The following A4GALT variants were observed in gnomAD, a reference collection of about 807,000 sequenced individuals.
A4GALT encodes the protein alpha 1,4-galactosyltransferase (P1PK blood group), also known as lactosylceramide 4-alpha-galactosyltransferase.
For missense variants in A4GALT, 512 were observed against 486.0 expected, an observed-to-expected ratio of 1.05 and a Z score of -0.50; for synonymous variants, 257 against 220.7, an observed-to-expected ratio of 1.16 and a Z score of -1.46.
At chr22:42,707,083 C>T (rs909888183) in intron 1 of A4GALT, among the ~76,000 whole-genome samples, 5 of 151,972 alleles carry the variant, frequency 3.3e-5, no homozygotes, top group Admixed American at 3.3e-4. Flanking sequence ...GTAGCATGAA[C>T]AGAAATAAGA....
At chr22:42,704,764 C>G (rs903148812) in intron 1 of A4GALT, among the ~76,000 whole-genome samples, 4 of 150,160 alleles carry the variant, frequency 2.7e-5, no homozygotes, top group African/African-American at 9.8e-5. Flanking sequence ...TACAAAGCAA[C>G]ATGGGTAAAG....
chr22:42,701,208 G>A (rs1931278444), intron 1 of A4GALT, among the ~76,000 whole-genome samples: 3 of 152,172 alleles, frequency 2.0e-5, no homozygotes, highest in Admixed American at 6.5e-5. Flanking sequence ...ACAACGGCCT[G>A]CACCAACATA....
chr22:42,696,287 G>A (rs769116953), intron 1 of A4GALT, among the ~76,000 whole-genome samples: 54 of 151,656 alleles, frequency 3.6e-4, no homozygotes, highest in Non-Finnish European at 6.8e-4. Flanking sequence ...GGGCATGGTG[G>A]CGCATGCCTG....
At position 42,692,961 on chromosome 22, in the gene A4GALT, T is replaced by G; in HGVS notation, c.991A>C (p.Arg331=). 1 of 1,612,540 alleles carries G rather than the reference T, an allele frequency of 6.2e-7. No individual in the cohort carries two copies. The highest frequency in any genetic ancestry group is 8.5e-7 in the Non-Finnish European group (1 of 1,179,932). The change falls in exon 3 of 3, where the codon AGG becomes CGG. Residue 331 remains arginine, a synonymous_variant. Transcript: ENST00000642412. This position sits in a 1 kb window ranked among gnomAD's most constrained non-coding sequence, Gnocchi z 4.6. ...GCATGCAGCTGGGCCAGCAGTGCCC[T>G]GGACGTGGCCTCGAACCGCGTGCCC... ...SQGTRFEATS[R]ALLAQLHARY...
At chr22:42,719,779 T>C (rs751014658) in intron 1 of A4GALT, among the ~76,000 whole-genome samples, 5 of 152,126 alleles carry the variant, frequency 3.3e-5, no homozygotes, top group Admixed American at 6.5e-5. Flanking sequence ...AGGCCAGACC[T>C]GGCCTGAGAC....
chr22:42,720,081 T>C lies in A4GALT; in HGVS notation c.-188+716A>G, dbSNP rs930007815. On this transcript the variant is annotated intron_variant, in intron 1 of 2. Coordinates refer to ENST00000642412, the MANE Select transcript of A4GALT (RefSeq NM_017436.7). ...TGGGACCAGGTGCCCCGGCAGATCC[T>C]CTCCCAAGCCCAGTTCCGCTCCCGC... Among the ~76,000 whole-genome samples the C allele has an allele frequency of 3.3e-5, 5 of 152,010 alleles. No individual in the cohort carries two copies. In the South Asian group the frequency reaches 8.3e-4, roughly 25 times the overall value.
chr22:42,706,137 C>T lies in A4GALT; in HGVS notation c.-187-10506G>A, dbSNP rs559087875. On this transcript the variant is annotated intron_variant, in intron 1 of 2. Coordinates refer to ENST00000642412, the MANE Select transcript of A4GALT (RefSeq NM_017436.7). Reference sequence around the variant, plus strand: ...TTGGGAGGCCAAGGCGGGCGGATCACGAGGTCAGGAGATCGAGACCATCCT... The same window carrying T: ...TTGGGAGGCCAAGGCGGGCGGATCATGAGGTCAGGAGATCGAGACCATCCT... Among the ~76,000 whole-genome samples, 103 of 85,522 alleles carry T rather than the reference C, an allele frequency of 1.2e-3. 27 individuals carry two copies. Among genetic ancestry groups the T allele is most frequent in the Middle Eastern group, 0.015 (2 of 130 alleles). 56.1% of individuals were successfully genotyped at this position (85,522 alleles called of 152,430 possible).
At chr22:42,697,683 C>T (rs1931032564) in intron 1 of A4GALT, among the ~76,000 whole-genome samples, 1 of 152,200 alleles carries the variant, frequency 6.6e-6, no homozygotes, top group Admixed American at 6.5e-5. Flanking sequence ...TGGCCGCAGC[C>T]CAATATCCAG....
At chr22:42,707,461 GC>G (rs1381953762) in intron 1 of A4GALT, among the ~76,000 whole-genome samples, 2 of 152,018 alleles carry the variant, frequency 1.3e-5, no homozygotes, top group Non-Finnish European at 2.9e-5. Context: ...TTTGAGACCA[GC>G]CTGGCCAACA....
chr22:42,704,500 A>C (rs886844301), intron 1 of A4GALT, among the ~76,000 whole-genome samples: 1 of 151,794 alleles, frequency 6.6e-6, no homozygotes, highest in Non-Finnish European at 1.5e-5. Context: ...AAAATAAAAA[A>C]AATAATAAAA....
chr22:42,713,752 CA>C (rs1397390904), intron 1 of A4GALT, among the ~76,000 whole-genome samples: 5 of 147,726 alleles, frequency 3.4e-5, no homozygotes, highest in East Asian at 4.0e-4. Context: ...GTGGCGGTTG[CA>C]GTGAGCCAAG....
intron 1 of A4GALT, among the ~76,000 whole-genome samples, chr22:42,700,736 T>G (rs1210213756): frequency 1.3e-5 from 2 of 152,118 alleles, no homozygotes; most frequent in Non-Finnish European, 2.9e-5. Flanking sequence ...AAAATGGGAT[T>G]AACTCCACTT....
At chr22:42,694,342 A>G (rs1930764944) in intron 2 of A4GALT, among the ~76,000 whole-genome samples, 1 of 152,256 alleles carries the variant, frequency 6.6e-6, no homozygotes, top group South Asian at 2.1e-4. Context: ...TGGCTTCGCC[A>G]TGTGACACAC....
chr22:42,695,521 G>A lies in A4GALT; in HGVS notation c.-77C>T, dbSNP rs1267556733. The A allele has an allele frequency of 6.6e-6, 1 of 152,022 alleles. No individual in the cohort carries two copies. The highest frequency in any genetic ancestry group is 2.4e-5 in the African/African-American group (1 of 41,384). The allele number at this position is 152,022 out of a possible 1,614,324, so 9.4% of individuals were successfully genotyped here. On this transcript the variant is annotated 5_prime_UTR_variant, in exon 2 of 3. Transcript: ENST00000642412. ...TGGGCAGCCCATTGCAGAGAGGTGG[G>A]GATCCTGGCAGCCCACAGGCCTCCG...
At chr22:42,715,006 T>C (rs1421332214) in intron 1 of A4GALT, among the ~76,000 whole-genome samples, 1 of 132,362 alleles carries the variant, frequency 7.6e-6, no homozygotes, top group African/African-American at 2.9e-5. Context: ...CAGGGGCGAG[T>C]GTGGCTGAGT....
chr22:42,715,705 A>G (rs1569069815), intron 1 of A4GALT, among the ~76,000 whole-genome samples: 1 of 151,990 alleles, frequency 6.6e-6, no homozygotes, highest in East Asian at 1.9e-4. Flanking sequence ...CAGAGCAAGA[A>G]CCTATCTCAA....
At chr22:42,694,492 G>A (rs1930777752) in intron 2 of A4GALT, 2 of 163,952 alleles carry the variant, frequency 1.2e-5, no homozygotes, top group East Asian at 1.6e-4. Context: ...CTGGGGCTCC[G>A]GCAGGCCCAG....
intron 1 of A4GALT, among the ~76,000 whole-genome samples, chr22:42,706,198 A>C (rs1288686965): frequency 6.9e-6 from 1 of 145,080 alleles, no homozygotes; most frequent in East Asian, 2.0e-4. Flanking sequence ...TACTAAAAAT[A>C]CAAAAAATTA....
At chr22:42,697,473 T>G (rs979585327) in intron 1 of A4GALT, among the ~76,000 whole-genome samples, 16 of 152,248 alleles carry the variant, frequency 1.1e-4, no homozygotes, top group African/African-American at 3.9e-4. Flanking sequence ...GGAGGGCCAG[T>G]AGCAGCAGCA....
Sources: allele counts gnomAD v4.1 joint callset (sites outside exome capture counted in the v4.1 genomes callset), GRCh38; gene constraint gnomAD v4.1.1; non-coding constraint Gnocchi (gnomAD v3.1); transcripts MANE v1.5; gene names NCBI Gene and HGNC (gene_info 2026-07-23, HGNC 2026-07-21).